The following CFAP20DC variants were observed in gnomAD, a reference collection of about 807,000 sequenced individuals.
CFAP20DC encodes protein CFAP20DC.
A neutral mutation model predicts 101.7 loss-of-function variants in CFAP20DC; 84 were observed. The ratio of observed to expected loss-of-function variants is 0.83; its 90% CI spans 0.69 to 0.99. The LOEUF is 0.99. CFAP20DC is among the 50% of genes least tolerant of loss of function. CFAP20DC has a pLI of 0.00. For missense variants in CFAP20DC, 1,007 were observed against 970.3 expected, an observed-to-expected ratio of 1.04 and a Z score of -0.50; for synonymous variants, 359 against 351.2, an observed-to-expected ratio of 1.02 and a Z score of -0.25.
At chr3:58,817,511 G>A (rs1252369502) in intron 14 of CFAP20DC, among the ~76,000 whole-genome samples, 3 of 146,258 alleles carry the variant, frequency 2.1e-5, no homozygotes, top group South Asian at 2.3e-4. Context: ...CTCAGGAGCC[G>A]ATGCGATCAA....
intron 14 of CFAP20DC, among the ~76,000 whole-genome samples, chr3:58,818,595 C>T (rs1244622434): frequency 6.8e-6 from 1 of 147,966 alleles, no homozygotes; most frequent in East Asian, 2.0e-4. Flanking sequence ...AGCTAACTAA[C>T]CTAAATATAT....
chr3:58,869,583 A>C lies in CFAP20DC; in HGVS notation c.853-93T>G. On this transcript the variant is annotated intron_variant, in intron 8 of 16. Coordinates refer to ENST00000482387, the MANE Select transcript of CFAP20DC (RefSeq NM_001394063.1). This position sits in a 1 kb window ranked among gnomAD's most constrained non-coding sequence, Gnocchi z 4.3. Reference sequence around the variant, plus strand: ...AGAAAACATAATATTTGGACCAATGAAGAGTGAGAAAAAAACTAGAGGAAA... The same window carrying C: ...AGAAAACATAATATTTGGACCAATGCAGAGTGAGAAAAAAACTAGAGGAAA... The C allele has an allele frequency of 3.0e-6, 3 of 983,804 alleles. No individual in the cohort carries two copies. The highest frequency in any genetic ancestry group is 4.3e-6 in the Non-Finnish European group (3 of 702,776). 60.9% of individuals were successfully genotyped at this position (983,804 alleles called of 1,614,324 possible). A position where few individuals can be genotyped will look rare whatever the true frequency, so the allele number is the denominator to read the frequency against.
At chr3:58,977,434 T>C (rs1394275770) in intron 4 of CFAP20DC, among the ~76,000 whole-genome samples, 1 of 152,204 alleles carries the variant, frequency 6.6e-6, no homozygotes, top group Non-Finnish European at 1.5e-5. Context: ...GCAAATATTT[T>C]TCATGAGCAA....
At chr3:58,787,915 C>T (rs1322603139) in intron 15 of CFAP20DC, among the ~76,000 whole-genome samples, 1 of 151,592 alleles carries the variant, frequency 6.6e-6, no homozygotes, top group East Asian at 1.9e-4. Flanking sequence ...CATGTTCTCA[C>T]TCATAAGTGG....
Position 58,864,011 on chromosome 3 carries a change from G to T in CFAP20DC, c.1259-119C>A. ...CTCACTCTGCCGCCTAGGCTGCAGT[G>T]CAGTCACGCGATCTCGGCTCACTGC... On this transcript the variant is annotated intron_variant, in intron 11 of 16. Coordinates refer to ENST00000482387, the MANE Select transcript of CFAP20DC (RefSeq NM_001394063.1). This position sits in a 1 kb window ranked among gnomAD's most constrained non-coding sequence, Gnocchi z 4.7. The T allele has an allele frequency of 1.0e-6, 1 of 968,496 alleles. No homozygotes were observed. Among genetic ancestry groups the T allele is most frequent in the Non-Finnish European group, 1.5e-6 (1 of 679,762 alleles). The allele number at this position is 968,496 out of a possible 1,614,324, so 60.0% of individuals were successfully genotyped here. A position where few individuals can be genotyped will look rare whatever the true frequency, so the allele number is the denominator to read the frequency against.
intron 4 of CFAP20DC, among the ~76,000 whole-genome samples, chr3:58,995,376 TAAA>T (rs35714840): frequency 6.9e-6 from 1 of 143,928 alleles, no homozygotes; most frequent in Admixed American, 6.9e-5. Flanking sequence ...AATATCTCAC[TAAA>T]AAAAAAAAAA....
Position 58,913,263 on chromosome 3 carries a change from G to A in CFAP20DC, c.550+445C>T, listed in dbSNP as rs1014472613. On this transcript the variant is annotated intron_variant, in intron 6 of 16. Coordinates refer to ENST00000482387, the MANE Select transcript of CFAP20DC (RefSeq NM_001394063.1). This position sits in a 1 kb window ranked among gnomAD's most constrained non-coding sequence, Gnocchi z 4.4. ...GCAGTAGCTACTGGCAGTGGGTGGAGGTGGCAAATGGATGGGGTTGTCCTT... is the reference window on the plus strand; with the variant it reads ...GCAGTAGCTACTGGCAGTGGGTGGAAGTGGCAAATGGATGGGGTTGTCCTT... Among the ~76,000 whole-genome samples the A allele has an allele frequency of 6.6e-6, 1 of 152,126 alleles. No individual in the cohort carries two copies. The highest frequency in any genetic ancestry group is 6.6e-5 in the Admixed American group (1 of 15,254).
chr3:58,850,187 G>C lies in CFAP20DC; in HGVS notation c.1594-778C>G, dbSNP rs140026149. 5.2e-4 allele frequency among the ~76,000 whole-genome samples: 79 copies of C among 152,252 alleles called. 1 individual carries two copies. Among genetic ancestry groups the C allele is most frequent in the African/African-American group, 1.9e-3 (77 of 41,558 alleles). Reference sequence around the variant, plus strand: ...GTAGATAATGAAAATGAGAAATGTAGTGCTATTTCAATTGGTAGATTTTTA... The same window carrying C: ...GTAGATAATGAAAATGAGAAATGTACTGCTATTTCAATTGGTAGATTTTTA... On this transcript the variant is annotated intron_variant, in intron 12 of 16. Transcript: ENST00000482387.
intron 6 of CFAP20DC, among the ~76,000 whole-genome samples, chr3:58,893,610 T>C (rs2082429121): frequency 6.6e-6 from 1 of 152,192 alleles, no homozygotes; most frequent in Admixed American, 6.6e-5. Flanking sequence ...TTTTTTGTGG[T>C]ATATCTGCCA....
At chr3:58,984,913 G>T (rs2092701626) in intron 4 of CFAP20DC, among the ~76,000 whole-genome samples, 1 of 152,034 alleles carries the variant, frequency 6.6e-6, no homozygotes, top group South Asian at 2.1e-4. Flanking sequence ...TACTTTTTTT[G>T]GGGGGCTGAG....
At position 58,729,296 on chromosome 3, in the gene CFAP20DC, C is replaced by A. The variant is rs1296586014; in HGVS notation, c.198-11668G>T. Among the ~76,000 whole-genome samples the A allele has an allele frequency of 6.6e-6, 1 of 152,068 alleles. No individual in the cohort carries two copies. Among genetic ancestry groups the A allele is most frequent in the Admixed American group, 6.6e-5 (1 of 15,258 alleles). ...TAATTTTGTGCACAGAAAACTTGTACTTTTAAAATTAATTAGATTTTTATT... is the reference window on the plus strand; with the variant it reads ...TAATTTTGTGCACAGAAAACTTGTAATTTTAAAATTAATTAGATTTTTATT... On this transcript the variant is annotated intron_variant, in intron 3 of 3. Coordinates refer to the CFAP20DC transcript ENST00000486145. The surrounding 1 kb of genome is among the most constrained non-coding windows in gnomAD (Gnocchi z 4.4).
In CFAP20DC at chr3:58,884,545, C is replaced by G; in HGVS notation, c.715G>C (p.Asp239His). The change falls in exon 7 of 17, where the codon GAT becomes CAT. Residue 239 changes from aspartate (D) to histidine (H), a missense_variant and splice_region_variant. By Grantham distance (81) the Asp-to-His change is moderately conservative (BLOSUM62 -1). Transcript: ENST00000482387. ...GGHPLRSAES[D>H]QFINRGTSIT... is the part of the protein sequence containing the mutation. ...ATAATTTAGGTGCCTGAGTGTCTAC[C>G]TGATTCTGCTGATCTTAGAGGATGG... The G allele has an allele frequency of 6.2e-7, 1 of 1,613,754 alleles. No individual in the cohort carries two copies. Among genetic ancestry groups the G allele is most frequent in the Non-Finnish European group, 8.5e-7 (1 of 1,179,738 alleles).
intron 14 of CFAP20DC, among the ~76,000 whole-genome samples, chr3:58,826,829 A>G (rs774506937): frequency 6.6e-6 from 1 of 152,164 alleles, no homozygotes. Flanking sequence ...GGCTAATGTC[A>G]TAAGTGCTGT....
intron 3 of CFAP20DC, among the ~76,000 whole-genome samples, chr3:58,725,637 G>GTT (rs143721213): frequency 0.016 from 2,505 of 152,322 alleles, 52 homozygotes; most frequent in Non-Finnish European, 0.019. Flanking sequence ...ACAAACAAAG[G>GTT]TGAAACAGGG....
Position 58,913,689 on chromosome 3 carries a change from G to A in CFAP20DC, c.550+19C>T, listed in dbSNP as rs752505676. 2.5e-6 allele frequency: 4 copies of A among 1,612,484 alleles called. No individual in the cohort carries two copies. In the Admixed American group the frequency reaches 5.0e-5, roughly 20 times the overall value. ...ATACATCAGAGAATTAAAAAATCTT[G>A]ATAGCAACCTGAACATACCATCCTT... On this transcript the variant is annotated intron_variant, in intron 6 of 16. Coordinates refer to ENST00000482387, the MANE Select transcript of CFAP20DC (RefSeq NM_001394063.1). The surrounding 1 kb of genome is among the most constrained non-coding windows in gnomAD (Gnocchi z 4.4).
chr3:58,856,311 CACAT>C (rs10576279), intron 12 of CFAP20DC, among the ~76,000 whole-genome samples: 54 of 132,702 alleles, frequency 4.1e-4, no homozygotes, highest in African/African-American at 1.8e-3. Flanking sequence ...CACACACACA[CACAT>C]AACTGATGGA....
At chr3:58,873,214 T>C (rs1191764304) in intron 7 of CFAP20DC, among the ~76,000 whole-genome samples, 1 of 149,428 alleles carries the variant, frequency 6.7e-6, no homozygotes, top group East Asian at 2.0e-4. Flanking sequence ...CTGGATGCTG[T>C]AAGGCGGGTG....
chr3:58,986,116 A>G (rs2092741493), intron 4 of CFAP20DC, among the ~76,000 whole-genome samples: 1 of 152,224 alleles, frequency 6.6e-6, no homozygotes, highest in Non-Finnish European at 1.5e-5. Flanking sequence ...AACTGCTACA[A>G]ATACATAGTC....
At chr3:58,744,153 T>C (rs1464602804) in intron 16 of CFAP20DC, among the ~76,000 whole-genome samples, 1 of 152,192 alleles carries the variant, frequency 6.6e-6, no homozygotes, top group Non-Finnish European at 1.5e-5. Context: ...TAGAAAGCTC[T>C]TTCTCATGTA....
Sources: allele counts gnomAD v4.1 joint callset (sites outside exome capture counted in the v4.1 genomes callset), GRCh38; gene constraint gnomAD v4.1.1; non-coding constraint Gnocchi (gnomAD v3.1); transcripts MANE v1.5; gene names NCBI Gene and HGNC (gene_info 2026-07-23, HGNC 2026-07-21).